The following EBF1 variants were observed in gnomAD, a reference collection of about 807,000 sequenced individuals.
EBF1 encodes transcription factor COE1.
EBF1 carries 10 observed loss-of-function variants against 68.4 expected under a neutral mutation model. The ratio of observed to expected loss-of-function variants is 0.15; its 90% CI spans 0.09 to 0.25. EBF1 has a LOEUF of 0.25. EBF1 is among the 10% of genes least tolerant of loss of function. The probability of loss-of-function intolerance (pLI) is 1.00; values close to 1 mark genes in which losing one functional copy is unlikely to be tolerated. For missense variants in EBF1, 509 were observed against 794.4 expected (o/e 0.64, Z 4.32); for synonymous variants, 298 against 299.8 (o/e 0.99, Z 0.06).
chr5:158,760,883 A>G lies in EBF1; in HGVS notation c.1036+16530T>C, dbSNP rs568111879. Reference sequence around the variant, plus strand: ...ATTACTTTAAACTGGGAATTCCGGTACACTAAATAAGATGCAGTATCTGAA... The same window carrying G: ...ATTACTTTAAACTGGGAATTCCGGTGCACTAAATAAGATGCAGTATCTGAA... On this transcript the variant is annotated intron_variant, in intron 10 of 15. Transcript: ENST00000313708. Among the ~76,000 whole-genome samples, 6 of 152,342 alleles carry G rather than the reference A, an allele frequency of 3.9e-5. No individual in the cohort carries two copies. In the South Asian group the frequency reaches 1.2e-3, roughly 32 times the overall value.
At chr5:158,800,246 T>C (rs986679569) in intron 8 of EBF1, among the ~76,000 whole-genome samples, 1 of 151,930 alleles carries the variant, frequency 6.6e-6, no homozygotes, top group Non-Finnish European at 1.5e-5. Context: ...TAAAGGACAG[T>C]GTAATTAAGT....
At chr5:158,788,835 C>CT (rs1378723014) in intron 9 of EBF1, among the ~76,000 whole-genome samples, 1 of 152,052 alleles carries the variant, frequency 6.6e-6, no homozygotes. Flanking sequence ...ATCTTAAAGT[C>CT]TTTTTTTAAC....
intron 6 of EBF1, among the ~76,000 whole-genome samples, chr5:159,010,552 A>G (rs1340527835): frequency 6.6e-6 from 1 of 152,200 alleles, no homozygotes; most frequent in East Asian, 1.9e-4. Context: ...TAAAATGTTT[A>G]TTTTTAAAGT....
chr5:158,701,318 T>A, intron 15 of EBF1, among the ~76,000 whole-genome samples: 1 of 151,850 alleles, frequency 6.6e-6, no homozygotes, highest in East Asian at 1.9e-4. Context: ...AGCCAACATT[T>A]ATTAGCTGGT....
At chr5:158,982,266 C>T (rs1758051485) in intron 6 of EBF1, among the ~76,000 whole-genome samples, 1 of 152,176 alleles carries the variant, frequency 6.6e-6, no homozygotes, top group South Asian at 2.1e-4. Context: ...ATTAAATAAA[C>T]ATTAGCTGCT....
chr5:159,067,729 A>T (rs528486232), intron 6 of EBF1, among the ~76,000 whole-genome samples: 1 of 152,328 alleles, frequency 6.6e-6, no homozygotes, highest in East Asian at 1.9e-4. Flanking sequence ...ACTCATTCAC[A>T]TAAGTCTCAT....
chr5:158,934,031 T>C lies in EBF1; in HGVS notation c.555-93921A>G, dbSNP rs545588147. On this transcript the variant is annotated intron_variant, in intron 6 of 15. Transcript: ENST00000313708. Reference sequence around the variant, plus strand: ...CCCTCATTCAGTATCTATCGTACTATTGAAAATAGAATCTCAAAACCATGA... The same window carrying C: ...CCCTCATTCAGTATCTATCGTACTACTGAAAATAGAATCTCAAAACCATGA... Among the ~76,000 whole-genome samples the C allele has an allele frequency of 4.6e-5, 7 of 152,344 alleles. No homozygotes were observed. In the South Asian group the frequency reaches 1.0e-3, roughly 23 times the overall value.
intron 9 of EBF1, among the ~76,000 whole-genome samples, chr5:158,780,100 CTT>C (rs1454138889): frequency 6.6e-6 from 1 of 152,268 alleles, no homozygotes; most frequent in South Asian, 2.1e-4. Flanking sequence ...TTTTAGCTAA[CTT>C]TGATCAATTT....
At chr5:158,763,367 T>C (rs1017615372) in intron 10 of EBF1, among the ~76,000 whole-genome samples, 1 of 152,226 alleles carries the variant, frequency 6.6e-6, no homozygotes, top group African/African-American at 2.4e-5. Flanking sequence ...GTGTCTGACA[T>C]GCCCTGCTCT....
At chr5:158,909,551 G>A (rs960080640) in intron 6 of EBF1, among the ~76,000 whole-genome samples, 1 of 152,116 alleles carries the variant, frequency 6.6e-6, no homozygotes, top group African/African-American at 2.4e-5. Flanking sequence ...ATCATTGGTT[G>A]GCTCAGGAAG....
chr5:158,937,552 G>A (rs1812292163), intron 6 of EBF1, among the ~76,000 whole-genome samples: 1 of 152,198 alleles, frequency 6.6e-6, no homozygotes. Context: ...GAATTGCTCA[G>A]GGTCACGCAA....
chr5:158,807,053 T>C (rs1289264995), intron 8 of EBF1, among the ~76,000 whole-genome samples: 2 of 152,176 alleles, frequency 1.3e-5, no homozygotes, highest in African/African-American at 2.4e-5. Flanking sequence ...AGCTATCATA[T>C]TGGACAGCAC....
chr5:159,021,985 G>A (rs1300665373), intron 6 of EBF1, among the ~76,000 whole-genome samples: 1 of 145,634 alleles, frequency 6.9e-6, no homozygotes, highest in Non-Finnish European at 1.5e-5. Context: ...GGATACACTC[G>A]AGTGTTGCAA....
chr5:158,897,176 A>T (rs377672889), intron 6 of EBF1, among the ~76,000 whole-genome samples: 10 of 152,246 alleles, frequency 6.6e-5, no homozygotes, highest in African/African-American at 1.9e-4. Context: ...CCAAATGCCC[A>T]TCAGTGATAG....
Position 158,727,434 on chromosome 5 carries a change from A to G in EBF1, c.1125+3635T>C, listed in dbSNP as rs1468108917. ...ATCAGCATCTCAGAATTTCTGATCG[A>G]CCATGTTCCCCATCCCCTCCACCTC... On this transcript the variant is annotated intron_variant, in intron 11 of 15. Transcript: ENST00000313708. Among the ~76,000 whole-genome samples the G allele has an allele frequency of 2.0e-5, 3 of 152,184 alleles. No homozygotes were observed. The East Asian group carries it at 5.8e-4, about 29-fold the overall frequency.
chr5:158,780,780 A>T (rs1776311656), intron 9 of EBF1, among the ~76,000 whole-genome samples: 1 of 152,204 alleles, frequency 6.6e-6, no homozygotes, highest in South Asian at 2.1e-4. Flanking sequence ...AAACAAAAGG[A>T]GTGATGAAAA....
intron 6 of EBF1, among the ~76,000 whole-genome samples, chr5:158,870,299 G>T (rs1796663025): frequency 6.6e-6 from 1 of 152,110 alleles, no homozygotes; most frequent in South Asian, 2.1e-4. Flanking sequence ...AGAAAATAAA[G>T]TTAGTAATAG....
chr5:158,980,715 T>C (rs1017214020), intron 6 of EBF1, among the ~76,000 whole-genome samples: 2 of 152,204 alleles, frequency 1.3e-5, no homozygotes, highest in African/African-American at 4.8e-5. Context: ...ATCTGTTTTA[T>C]TTTCTGCTAG....
At chr5:158,797,162 A>G (rs908887011) in intron 8 of EBF1, among the ~76,000 whole-genome samples, 1 of 152,216 alleles carries the variant, frequency 6.6e-6, no homozygotes, top group Non-Finnish European at 1.5e-5. Context: ...ATAAAACCCT[A>G]GAATTGACTT....
Sources: allele counts gnomAD v4.1 joint callset (sites outside exome capture counted in the v4.1 genomes callset), GRCh38; gene constraint gnomAD v4.1.1; transcripts MANE v1.5; gene names NCBI Gene and HGNC (gene_info 2026-07-23, HGNC 2026-07-21).